The following FHIP1A variants were observed in gnomAD, a reference collection of about 807,000 sequenced individuals.
FHIP1A encodes the protein FHF complex subunit HOOK interacting protein 1A, also known as FHF complex subunit HOOK-interacting protein 1A.
In FHIP1A, 61 loss-of-function variants were observed where a neutral mutation model predicts 88.6. The observed-to-expected ratio is 0.69, with a 90% CI of 0.56 to 0.85. The LOEUF (loss-of-function observed/expected upper bound fraction) is 0.85, where lower values mean the gene tolerates loss of function less well. FHIP1A is among the 40% of genes least tolerant of loss of function. The pLI is 0.00. For missense variants in FHIP1A, 1,154 were observed against 1,273.5 expected (o/e 0.91, Z 1.43); for synonymous variants, 478 against 496.0 (o/e 0.96, Z 0.48).
chr4:151,616,444 C>CTTTTTTTTT (rs763599410), intron 7 of FHIP1A, among the ~76,000 whole-genome samples: 66 of 113,384 alleles, frequency 5.8e-4, no homozygotes, highest in African/African-American at 7.3e-4. Context: ...TTCTTTCTTT[C>CTTTTTTTTT]TTTTTTTTTT....
At chr4:151,468,242 G>T (rs569326669) in intron 2 of FHIP1A, among the ~76,000 whole-genome samples, 8 of 132,006 alleles carry the variant, frequency 6.1e-5, no homozygotes, top group Non-Finnish European at 9.1e-5. Flanking sequence ...CCGAGATTGC[G>T]CCACTGCACT....
chr4:151,601,455 G>A (rs1239886293), intron 7 of FHIP1A, among the ~76,000 whole-genome samples: 1 of 151,786 alleles, frequency 6.6e-6, no homozygotes, highest in African/African-American at 2.4e-5. Context: ...GTAAATTGCA[G>A]CTTAAAATTT....
chr4:151,555,029 G>A (rs1379276194), intron 3 of FHIP1A, among the ~76,000 whole-genome samples: 1 of 152,086 alleles, frequency 6.6e-6, no homozygotes, highest in Non-Finnish European at 1.5e-5. Flanking sequence ...GGGATAGCAT[G>A]TTCTGCTTTG....
chr4:151,605,509 C>A (rs558542412), intron 7 of FHIP1A, among the ~76,000 whole-genome samples: 8 of 152,280 alleles, frequency 5.3e-5, no homozygotes, highest in African/African-American at 1.9e-4. Context: ...ACAAATTATT[C>A]CATTCAAGAG....
intron 3 of FHIP1A, among the ~76,000 whole-genome samples, chr4:151,511,456 C>A (rs112278670): frequency 6.6e-6 from 1 of 152,162 alleles, no homozygotes; most frequent in African/African-American, 2.4e-5. Flanking sequence ...TGCAGCGCAC[C>A]GTGCGCGAGC....
chr4:151,414,725 G>A (rs1379762732), intron 1 of FHIP1A, among the ~76,000 whole-genome samples: 1 of 152,182 alleles, frequency 6.6e-6, no homozygotes, highest in Non-Finnish European at 1.5e-5. Flanking sequence ...AAGACAGGTA[G>A]AGACAAATGA....
At chr4:151,619,981 A>G (rs940893693) in intron 7 of FHIP1A, among the ~76,000 whole-genome samples, 1 of 152,186 alleles carries the variant, frequency 6.6e-6, no homozygotes, top group Non-Finnish European at 1.5e-5. Flanking sequence ...GTGGTTTTTT[A>G]TTATAAAGTC....
chr4:151,492,617 A>G (rs11099818), intron 3 of FHIP1A, among the ~76,000 whole-genome samples: 2 of 151,122 alleles, frequency 1.3e-5, no homozygotes, highest in African/African-American at 4.9e-5. Context: ...AGAAAATTGC[A>G]ATTATATCAA....
intron 3 of FHIP1A, among the ~76,000 whole-genome samples, chr4:151,533,647 G>A (rs965665252): frequency 1.3e-5 from 2 of 152,130 alleles, no homozygotes; most frequent in Non-Finnish European, 2.9e-5. Flanking sequence ...TTTGGTGTAG[G>A]GTTTTTTAAC....
chr4:151,455,353 A>G (rs1019362589), intron 2 of FHIP1A, among the ~76,000 whole-genome samples: 1 of 152,210 alleles, frequency 6.6e-6, no homozygotes, highest in African/African-American at 2.4e-5. Context: ...AATGCTTTAT[A>G]GGCTTTGTAA....
At chr4:151,413,102 G>A (rs1322437492) in intron 1 of FHIP1A, among the ~76,000 whole-genome samples, 1 of 152,198 alleles carries the variant, frequency 6.6e-6, no homozygotes, top group Non-Finnish European at 1.5e-5. Context: ...CATATAGTCT[G>A]TATAGCCTTG....
At position 151,582,428 on chromosome 4, in the gene FHIP1A, G is replaced by A. The variant is rs1425517056; in HGVS notation, c.733-4213G>A. 1.3e-5 allele frequency among the ~76,000 whole-genome samples: 2 copies of A among 151,114 alleles called. 1 individual carries two copies. The highest frequency in any genetic ancestry group is 1.3e-4 in the Admixed American group (2 of 15,162). The stretch of plus-strand genomic sequence containing the variant: ...GTGCGTAAAACATTATGCTAATCTT[G>A]GTAGATGCATTATTTTCTTTAATCC... On this transcript the variant is annotated intron_variant, in intron 5 of 13. Coordinates refer to ENST00000435205, the MANE Select transcript of FHIP1A (RefSeq NM_001109977.3).
At chr4:151,535,630 A>C (rs17027669) in intron 3 of FHIP1A, among the ~76,000 whole-genome samples, 4,165 of 152,238 alleles carry the variant, frequency 0.027, 196 homozygotes, top group African/African-American at 0.095. Context: ...TTTCTCACCT[A>C]TTTACTTACT....
At chr4:151,604,977 C>T (rs964005808) in intron 7 of FHIP1A, among the ~76,000 whole-genome samples, 2 of 151,950 alleles carry the variant, frequency 1.3e-5, no homozygotes, top group Non-Finnish European at 2.9e-5. Context: ...CAGACAAAAA[C>T]AAGTGAAGCA....
chr4:151,488,551 C>T (rs1730166550), intron 3 of FHIP1A, among the ~76,000 whole-genome samples: 1 of 152,166 alleles, frequency 6.6e-6, no homozygotes, highest in East Asian at 1.9e-4. Flanking sequence ...TTGATGAGCA[C>T]CTAGGGTGAC....
chr4:151,636,589 A>G (rs1419644495), intron 8 of FHIP1A, among the ~76,000 whole-genome samples: 2 of 152,098 alleles, frequency 1.3e-5, no homozygotes, highest in East Asian at 1.9e-4. Flanking sequence ...AATTTACAAT[A>G]ACATCAAAAG....
At chr4:151,483,127 G>T (rs1434021236) in intron 3 of FHIP1A, among the ~76,000 whole-genome samples, 1 of 152,012 alleles carries the variant, frequency 6.6e-6, no homozygotes, top group Non-Finnish European at 1.5e-5. Flanking sequence ...AATTGTTCAG[G>T]CTTCATAATT....
chr4:151,514,162 A>G (rs1159084021), intron 3 of FHIP1A, among the ~76,000 whole-genome samples: 2 of 152,164 alleles, frequency 1.3e-5, no homozygotes, highest in African/African-American at 4.8e-5. Context: ...CTCAAAACCA[A>G]TCAACTACAT....
intron 3 of FHIP1A, among the ~76,000 whole-genome samples, chr4:151,543,136 C>T (rs912267145): frequency 1.3e-5 from 2 of 152,124 alleles, no homozygotes; most frequent in Non-Finnish European, 2.9e-5. Context: ...AGAACTGGTA[C>T]CCCATTTTAT....
Sources: gnomAD v4.1 joint callset for allele counts (sites outside exome capture counted in the v4.1 genomes callset) on GRCh38, gnomAD v4.1.1 for gene constraint, MANE v1.5 for transcripts, NCBI Gene and HGNC (gene_info 2026-07-23, HGNC 2026-07-21) for gene names.